ADAMTSL3: variants seen among roughly 807,000 people sequenced by gnomAD.
ADAMTSL3 encodes ADAMTS like 3.
Under a neutral mutation model 201.7 loss-of-function variants are expected in ADAMTSL3, and 128 were observed. The ratio of observed to expected loss-of-function variants is 0.63; its 90% CI spans 0.55 to 0.73. The LOEUF is 0.73. Among genes scored for constraint, ADAMTSL3 ranks in the 30% least tolerant of loss-of-function variants. ADAMTSL3 has a pLI of 0.00. For missense variants in ADAMTSL3, 1,990 were observed against 2,119.6 expected, an observed-to-expected ratio of 0.94 and a Z score of 1.20; for synonymous variants, 738 against 748.4, an observed-to-expected ratio of 0.99 and a Z score of 0.23.
chr15:83,853,922 A>G (rs796820954), intron 7 of ADAMTSL3, among the ~76,000 whole-genome samples: 1 of 147,458 alleles, frequency 6.8e-6, no homozygotes, highest in East Asian at 2.0e-4. Context: ...CTATCTATCT[A>G]TCTATCTATC....
chr15:83,709,841 T>A (rs2061909001), intron 3 of ADAMTSL3, among the ~76,000 whole-genome samples: 1 of 152,174 alleles, frequency 6.6e-6, no homozygotes, highest in South Asian at 2.1e-4. Flanking sequence ...CTTGGTGGAT[T>A]TGCTGTAATG....
rs1379901288 is a variant in ADAMTSL3 at position 84,036,839 on chromosome 15, G to GC, written c.4824dup (p.Cys1609LeufsTer48). ...TGTGTTGGCACACAGGCCCTTGGAA[G>GC]CCCTGTACAGCAGCCTGTGGCAGGG... On this transcript the variant is annotated frameshift_variant, in exon 29 of 30. Coordinates refer to ENST00000286744, the MANE Select transcript of ADAMTSL3 (RefSeq NM_207517.3). LOFTEE classifies it high-confidence loss of function. The GC allele has an allele frequency of 6.2e-7, 1 of 1,613,904 alleles. No individual in the cohort carries two copies.
In ADAMTSL3 at chr15:83,773,622, T is replaced by C. The variant is rs998736898; in HGVS notation, c.289T>C (p.Tyr97His). ...CCGGACCTGTGGGGGAGGAGCATCA[T>C]ATTCTCTGCGGAGATGTTTGACTGG... The part of the protein sequence containing the change: ...CSRTCGGGAS[Y>H]SLRRCLTGRN... Residue 97 changes from tyrosine to histidine, a missense_variant, in exon 4 of 30, where the codon TAT becomes CAT. Physicochemically the swap from Tyr to His is moderately conservative, Grantham distance 83. Transcript: ENST00000286744. 1.9e-6 allele frequency: 3 copies of C among 1,611,812 alleles called. No homozygotes were observed. The African/African-American group carries it at 4.0e-5, about 22-fold the overall frequency.
chr15:83,988,788 G>C lies in ADAMTSL3; in HGVS notation c.3814G>C (p.Asp1272His), dbSNP rs755908557. The C allele has an allele frequency of 2.9e-5, 47 of 1,604,360 alleles. No individual in the cohort carries two copies. The highest frequency in any genetic ancestry group is 1.3e-4 in the Admixed American group (8 of 59,868). ...ECSVANHLGS[D>H]VESSSVLYAE... ...TTCTGTAGCTAATCATCTTGGTTCA[G>C]ATGTGGAAAGTTCTTCTGTGCTGTA... The change falls in exon 22 of 30, where the codon GAT becomes CAT. Residue 1272 changes from aspartate (D) to histidine (H), a missense_variant. Coordinates refer to ENST00000286744, the MANE Select transcript of ADAMTSL3 (RefSeq NM_207517.3).
intron 4 of ADAMTSL3, among the ~76,000 whole-genome samples, chr15:83,784,876 T>C (rs1354800600): frequency 6.6e-6 from 1 of 152,172 alleles, no homozygotes; most frequent in Non-Finnish European, 1.5e-5. Flanking sequence ...GTTTTTTTCT[T>C]TATATCTTTT....
chr15:83,826,749 G>T (rs1038990665), intron 6 of ADAMTSL3, among the ~76,000 whole-genome samples: 1 of 149,012 alleles, frequency 6.7e-6, no homozygotes, highest in Middle Eastern at 3.4e-3. Flanking sequence ...CTATGAGTGA[G>T]AACATGCGGT....
intron 17 of ADAMTSL3, among the ~76,000 whole-genome samples, chr15:83,926,985 C>T (rs1403724738): frequency 2.0e-5 from 3 of 152,118 alleles, no homozygotes; most frequent in Non-Finnish European, 4.4e-5. Flanking sequence ...ATCAGTTCAC[C>T]TCTACTGTCT....
intron 3 of ADAMTSL3, among the ~76,000 whole-genome samples, chr15:83,707,731 G>C (rs2061873190): frequency 6.6e-6 from 1 of 152,072 alleles, no homozygotes; most frequent in Non-Finnish European, 1.5e-5. Context: ...TTTGTGTCTG[G>C]CTTCTTTCAC....
chr15:83,948,114 A>G (rs1329118951), intron 19 of ADAMTSL3, among the ~76,000 whole-genome samples: 3 of 152,232 alleles, frequency 2.0e-5, no homozygotes, highest in Non-Finnish European at 4.4e-5. Flanking sequence ...GTTATAAAGA[A>G]CAACCCAAGA....
chr15:83,873,247 T>G (rs2141834318), intron 9 of ADAMTSL3, among the ~76,000 whole-genome samples: 1 of 145,050 alleles, frequency 6.9e-6, no homozygotes, highest in Admixed American at 6.7e-5. Flanking sequence ...GAGGTTGCAG[T>G]GAGCCAAGAT....
chr15:83,891,192 G>C, intron 11 of ADAMTSL3, 137 bp from the exon 12 acceptor site: 1 of 652,544 alleles, frequency 1.5e-6, no homozygotes, highest in African/African-American at 1.8e-5. Context: ...TTTTGGGAAT[G>C]GTTGATAACA....
chr15:83,847,417 T>C (rs67216966), intron 7 of ADAMTSL3, among the ~76,000 whole-genome samples: 22,844 of 152,006 alleles, frequency 0.15, 1,794 homozygotes, highest in South Asian at 0.24. Context: ...GAATGACAGA[T>C]GAGCTTGAAG....
chr15:83,947,121 A>T (rs1012368906), intron 19 of ADAMTSL3, among the ~76,000 whole-genome samples: 33 of 152,144 alleles, frequency 2.2e-4, no homozygotes, highest in African/African-American at 8.0e-4. Context: ...AGAGACTCTG[A>T]TACCAAATTG....
At chr15:83,989,107 C>T (rs377235620) in intron 22 of ADAMTSL3, among the ~76,000 whole-genome samples, 3 of 152,122 alleles carry the variant, frequency 2.0e-5, no homozygotes, top group African/African-American at 4.8e-5. Context: ...TGGTCTCGAT[C>T]TCCTGACCTC....
At chr15:83,679,625 G>A (rs1318583837) in intron 2 of ADAMTSL3, among the ~76,000 whole-genome samples, 4 of 152,140 alleles carry the variant, frequency 2.6e-5, no homozygotes, top group African/African-American at 7.2e-5. Flanking sequence ...CAGTAGTTCA[G>A]TTCTCAAACC....
intron 9 of ADAMTSL3, among the ~76,000 whole-genome samples, chr15:83,871,467 A>G (rs2065079742): frequency 6.6e-6 from 1 of 152,222 alleles, no homozygotes; most frequent in Non-Finnish European, 1.5e-5. Context: ...GAGCAGAGAC[A>G]ACAGCGGCTC....
intron 9 of ADAMTSL3, among the ~76,000 whole-genome samples, chr15:83,877,436 T>G (rs2065197287): frequency 6.6e-6 from 1 of 152,204 alleles, no homozygotes; most frequent in African/African-American, 2.4e-5. Context: ...AACAATGTAT[T>G]TATGGACCCT....
At chr15:83,823,753 T>G (rs1457917634) in intron 6 of ADAMTSL3, among the ~76,000 whole-genome samples, 4 of 152,208 alleles carry the variant, frequency 2.6e-5, no homozygotes, top group Non-Finnish European at 2.9e-5. Context: ...TTGTCATTCT[T>G]GCATTCCTCA....
intron 2 of ADAMTSL3, among the ~76,000 whole-genome samples, chr15:83,686,859 A>G (rs950119015): frequency 6.6e-6 from 1 of 152,166 alleles, no homozygotes; most frequent in African/African-American, 2.4e-5. Context: ...AATGCAAGCC[A>G]CATATATAAC....
Sources: allele counts gnomAD v4.1 joint callset (sites outside exome capture counted in the v4.1 genomes callset), GRCh38; gene constraint gnomAD v4.1.1; transcripts MANE v1.5; gene names NCBI Gene and HGNC (gene_info 2026-07-23, HGNC 2026-07-21).